The following SPSB1 variants were observed in gnomAD, a reference collection of about 807,000 sequenced individuals.
SPSB1 encodes splA/ryanodine receptor domain and SOCS box containing 1.
SPSB1 carries 8 observed loss-of-function variants against 21.2 expected under a neutral mutation model. The ratio of observed to expected loss-of-function variants is 0.38; its 90% CI spans 0.22 to 0.68. The LOEUF is 0.68. Ranked by LOEUF, SPSB1 falls within the 30% of genes least tolerant of loss-of-function variation. SPSB1 has a pLI of 0.53. For synonymous variants in SPSB1, 169 were observed against 161.7 expected, an observed-to-expected ratio of 1.05 and a Z score of -0.34; for missense variants, 242 against 377.8, an observed-to-expected ratio of 0.64 and a Z score of 2.98.
At position 9,293,735 on chromosome 1, in the gene SPSB1, TG is replaced by T. The variant is rs1219019091; in HGVS notation, c.-150+667del. ...CTGGGCCCGCGGGAGGAACCGCGGA[TG>T]GGTCACCGTCCCCGGGCGTGTACTG... On this transcript the variant is annotated intron_variant, in intron 1 of 2. Transcript: ENST00000328089. The surrounding 1 kb of genome is among the most constrained non-coding windows in gnomAD (Gnocchi z 5.1). Among the ~76,000 whole-genome samples the T allele has an allele frequency of 5.9e-5, 9 of 151,810 alleles. No homozygotes were observed. The highest frequency in any genetic ancestry group is 2.2e-4 in the African/African-American group (9 of 41,294).
At chr1:9,351,227 A>G (rs1640254211) in intron 1 of SPSB1, among the ~76,000 whole-genome samples, 1 of 152,246 alleles carries the variant, frequency 6.6e-6, no homozygotes, top group Admixed American at 6.5e-5. Context: ...TGATGGAAGA[A>G]GTTTGCTGAC....
chr1:9,318,849 G>T (rs568197222), intron 1 of SPSB1, among the ~76,000 whole-genome samples: 1 of 152,152 alleles, frequency 6.6e-6, no homozygotes, highest in Non-Finnish European at 1.5e-5. Flanking sequence ...TGTAACACAG[G>T]GTGACAAAAG....
intron 1 of SPSB1, among the ~76,000 whole-genome samples, chr1:9,347,270 T>C (rs1039131715): frequency 6.6e-6 from 1 of 152,370 alleles, no homozygotes. Context: ...GTGCTTGCTT[T>C]ATAAAAGCAA....
At chr1:9,362,496 C>G (rs996026841) in intron 2 of SPSB1, among the ~76,000 whole-genome samples, 3 of 152,272 alleles carry the variant, frequency 2.0e-5, no homozygotes, top group African/African-American at 7.2e-5. Flanking sequence ...GGAGCGTGGT[C>G]CCCACAAGCT....
At chr1:9,294,056 G>A (rs1333483952) in intron 1 of SPSB1, among the ~76,000 whole-genome samples, 3 of 151,268 alleles carry the variant, frequency 2.0e-5, no homozygotes, top group South Asian at 2.1e-4. Flanking sequence ...GTCTGAGTGC[G>A]TCTTTGTGTA....
rs1031011189 is a variant in SPSB1, at chr1:9,311,297, G to A, written c.-150+18226G>A. Among the ~76,000 whole-genome samples, 9 of 151,988 alleles carry A rather than the reference G, an allele frequency of 5.9e-5. No homozygotes were observed. The East Asian group carries it at 1.2e-3, about 20-fold the overall frequency. ...CGACCCAGGAGGCTGCGTCTGAGCC[G>A]AGTCCTGACCCATGACTGGGGTTTC... On this transcript the variant is annotated intron_variant, in intron 1 of 2. Coordinates refer to ENST00000328089, the MANE Select transcript of SPSB1 (RefSeq NM_025106.4).
At chr1:9,301,000 A>G (rs1639319034) in intron 1 of SPSB1, among the ~76,000 whole-genome samples, 1 of 152,176 alleles carries the variant, frequency 6.6e-6, no homozygotes, top group Non-Finnish European at 1.5e-5. Flanking sequence ...TTGCTGGGAC[A>G]CCTCTGAAGG....
At chr1:9,306,782 A>G (rs938760000) in intron 1 of SPSB1, among the ~76,000 whole-genome samples, 1 of 152,192 alleles carries the variant, frequency 6.6e-6, no homozygotes, top group Non-Finnish European at 1.5e-5. Flanking sequence ...GATGAGAGTC[A>G]GAAGTGGTCC....
chr1:9,361,172 T>C (rs1185101075), intron 2 of SPSB1, among the ~76,000 whole-genome samples: 3 of 143,642 alleles, frequency 2.1e-5, no homozygotes, highest in African/African-American at 5.3e-5. Flanking sequence ...TTTTTTTTTT[T>C]TTTTTTTTTT....
chr1:9,327,729 G>C (rs1252451043), intron 1 of SPSB1, among the ~76,000 whole-genome samples: 1 of 152,206 alleles, frequency 6.6e-6, no homozygotes, highest in Non-Finnish European at 1.5e-5. Context: ...GAGCCTGATG[G>C]TAATGATTTA....
At chr1:9,362,137 G>A (rs1262324226) in intron 2 of SPSB1, among the ~76,000 whole-genome samples, 1 of 152,170 alleles carries the variant, frequency 6.6e-6, no homozygotes, top group East Asian at 1.9e-4. Flanking sequence ...TCTGCCGGGA[G>A]CTACTCATCG....
intron 1 of SPSB1, among the ~76,000 whole-genome samples, chr1:9,325,145 G>C (rs906538712): frequency 1.3e-5 from 2 of 152,060 alleles, no homozygotes; most frequent in African/African-American, 4.8e-5. Context: ...CTGTAGACTG[G>C]GCTTCCCCCA....
chr1:9,357,019 G>A (rs903162708), intron 2 of SPSB1, among the ~76,000 whole-genome samples: 6 of 151,998 alleles, frequency 3.9e-5, no homozygotes, highest in Non-Finnish European at 7.4e-5. Flanking sequence ...TTAGATTGAT[G>A]GATGGATGAG....
rs920126556 is a variant in SPSB1, at chr1:9,341,202, C to T, written c.-149-14541C>T. On this transcript the variant is annotated intron_variant, in intron 1 of 2. Transcript: ENST00000328089. ...CTTCCCGCAGTACTTAGGTCCTGGC[C>T]CCCCGGCCTCAGAACAGAGAGGCAC... Among the ~76,000 whole-genome samples, 5 of 152,338 alleles carry T rather than the reference C, an allele frequency of 3.3e-5. 1 individual carries two copies. Among genetic ancestry groups the T allele is most frequent in the South Asian group, 4.1e-4 (2 of 4,822 alleles).
At chr1:9,344,281 C>G (rs78006041) in intron 1 of SPSB1, among the ~76,000 whole-genome samples, 5,143 of 152,208 alleles carry the variant, frequency 0.034, 283 homozygotes, top group African/African-American at 0.12. Context: ...GAAAGTCTAA[C>G]GGGATCAGGA....
intron 1 of SPSB1, among the ~76,000 whole-genome samples, chr1:9,350,568 G>A (rs1051334116): frequency 6.6e-6 from 1 of 152,232 alleles, no homozygotes. Flanking sequence ...GGCACACAGT[G>A]TACACGTGTG....
intron 1 of SPSB1, among the ~76,000 whole-genome samples, chr1:9,299,468 ATC>A (rs113928555): frequency 1.7e-4 from 26 of 150,154 alleles, no homozygotes; most frequent in African/African-American, 2.4e-4. Flanking sequence ...GTGAGACGTC[ATC>A]TCTCTCTCTC....
At chr1:9,319,190 A>G (rs1639665251) in intron 1 of SPSB1, among the ~76,000 whole-genome samples, 1 of 152,132 alleles carries the variant, frequency 6.6e-6, no homozygotes, top group South Asian at 2.1e-4. Flanking sequence ...CAAAAAAAAC[A>G]AAACAACAGT....
Position 9,346,732 on chromosome 1 carries a change from C to T in SPSB1, c.-149-9011C>T, listed in dbSNP as rs978943286. ...CTCCTCTTCCCTGGCGTTGGTCTAT[C>T]AGGGGTGGAACAGCCACCGGTGTTT... On this transcript the variant is annotated intron_variant, in intron 1 of 2. Coordinates refer to ENST00000328089, the MANE Select transcript of SPSB1 (RefSeq NM_025106.4). This position sits in a 1 kb window ranked among gnomAD's most constrained non-coding sequence, Gnocchi z 4.4. 6.6e-6 allele frequency among the ~76,000 whole-genome samples: 1 copy of T among 152,166 alleles called. No individual in the cohort carries two copies. The highest frequency in any genetic ancestry group is 2.4e-5 in the African/African-American group (1 of 41,428).
Sources: allele counts gnomAD v4.1 joint callset (sites outside exome capture counted in the v4.1 genomes callset), GRCh38; gene constraint gnomAD v4.1.1; non-coding constraint Gnocchi (gnomAD v3.1); transcripts MANE v1.5; gene names NCBI Gene and HGNC (gene_info 2026-07-23, HGNC 2026-07-21).